Variants in FAM13A observed in about 807,000 individuals in gnomAD.
FAM13A encodes the protein family with sequence similarity 13 member A.
FAM13A carries 76 observed loss-of-function variants against 129.6 expected under a neutral mutation model. The ratio of observed to expected loss-of-function variants is 0.59; its 90% CI spans 0.49 to 0.71. FAM13A has a LOEUF of 0.71. Ranked by LOEUF, FAM13A falls within the 30% of genes least tolerant of loss-of-function variation. The pLI is 0.00. For missense variants in FAM13A, 1,108 were observed against 1,249.3 expected, an observed-to-expected ratio of 0.89 and a Z score of 1.70; for synonymous variants, 443 against 449.9, an observed-to-expected ratio of 0.98 and a Z score of 0.20.
At chr4:89,042,892 T>C (rs1485030260) in intron 1 of FAM13A, among the ~76,000 whole-genome samples, 3 of 152,238 alleles carry the variant, frequency 2.0e-5, no homozygotes, top group Admixed American at 6.5e-5. Flanking sequence ...AAAGACTCTA[T>C]GTACTTAGTA....
chr4:88,751,654 T>C (rs7662156), intron 14 of FAM13A, among the ~76,000 whole-genome samples: 110,608 of 151,682 alleles, frequency 0.73, 41,463 homozygotes, highest in Non-Finnish European at 0.83. Context: ...CTTGATCTGT[T>C]ATTTAGGGAG....
At chr4:88,893,629 T>TGAAC (rs1345842328) in intron 6 of FAM13A, among the ~76,000 whole-genome samples, 2 of 107,568 alleles carry the variant, frequency 1.9e-5, no homozygotes, top group South Asian at 2.9e-4. Context: ...TCTCAATGAA[T>TGAAC]GAATGAATGA....
At chr4:88,812,429 T>TA (rs1043220720) in intron 7 of FAM13A, among the ~76,000 whole-genome samples, 1 of 152,166 alleles carries the variant, frequency 6.6e-6, no homozygotes, top group Admixed American at 6.5e-5. Context: ...TCCAAATGCC[T>TA]AAATCTGGCA....
chr4:88,851,270 T>C, intron 6 of FAM13A, 87 bp from the exon 7 acceptor site: 1 of 1,267,050 alleles, frequency 7.9e-7, no homozygotes. Flanking sequence ...GACAATTTAT[T>C]CCAATTTTGC....
chr4:88,982,330 A>G (rs1292145869), intron 4 of FAM13A, among the ~76,000 whole-genome samples: 2 of 152,250 alleles, frequency 1.3e-5, no homozygotes, highest in Non-Finnish European at 2.9e-5. Context: ...TTCATTAACT[A>G]GTACGATGGG....
At chr4:88,767,512 C>A in intron 13 of FAM13A, 41 bp downstream of exon 13, 2 of 1,496,670 alleles carry the variant, frequency 1.3e-6, no homozygotes, top group South Asian at 1.3e-5. Context: ...AGTGTATGAA[C>A]AGCCCCGTCA....
intron 1 of FAM13A, among the ~76,000 whole-genome samples, chr4:89,052,200 C>T (rs1771678359): frequency 6.6e-6 from 1 of 151,756 alleles, no homozygotes. Flanking sequence ...TAAAGTGTGG[C>T]ACTAGAGTGT....
intron 4 of FAM13A, among the ~76,000 whole-genome samples, chr4:88,984,644 AC>A (rs746364173): frequency 1.1e-4 from 17 of 152,156 alleles, no homozygotes; most frequent in Non-Finnish European, 1.0e-4. Context: ...ATGTAGAGAA[AC>A]TGGTTCGCCC....
intron 1 of FAM13A, among the ~76,000 whole-genome samples, chr4:89,047,381 AG>A (rs910132608): frequency 1.3e-5 from 2 of 152,182 alleles, no homozygotes; most frequent in Non-Finnish European, 2.9e-5. Flanking sequence ...AGAAAATTAA[AG>A]GTTATTATAA....
intron 7 of FAM13A, among the ~76,000 whole-genome samples, chr4:88,825,113 G>A (rs1344922034): frequency 3.9e-5 from 6 of 152,158 alleles, no homozygotes; most frequent in African/African-American, 1.4e-4. Context: ...TGGAAAGGTA[G>A]TGGCAGAACA....
intron 7 of FAM13A, among the ~76,000 whole-genome samples, chr4:88,824,532 T>C (rs535746479): frequency 1.3e-5 from 2 of 152,330 alleles, no homozygotes; most frequent in South Asian, 2.1e-4. Flanking sequence ...ATCAGCCTTT[T>C]AAAACAAAAG....
At chr4:88,961,057 A>G (rs543469810) in intron 4 of FAM13A, among the ~76,000 whole-genome samples, 2 of 152,332 alleles carry the variant, frequency 1.3e-5, no homozygotes, top group East Asian at 3.9e-4. Flanking sequence ...GCCACGATTT[A>G]GAATTCAGAA....
At position 88,888,595 on chromosome 4, in the gene FAM13A, T is replaced by TC. The variant is rs1166406885; in HGVS notation, c.843+17783dup. Reference sequence around the variant, plus strand: ...TAAAAGTAAATAAATAAATAAATCATCCCAGACTAAACAAGCCTTTGTCGT... The same window carrying TC: ...TAAAAGTAAATAAATAAATAAATCATCCCCAGACTAAACAAGCCTTTGTCGT... On this transcript the variant is annotated intron_variant, in intron 6 of 23. Coordinates refer to ENST00000264344, the MANE Select transcript of FAM13A (RefSeq NM_014883.4). 2.0e-5 allele frequency among the ~76,000 whole-genome samples: 3 copies of TC among 151,944 alleles called. No homozygotes were observed. The East Asian group carries it at 5.8e-4, about 29-fold the overall frequency.
At chr4:88,782,888 C>G (rs886561452) in intron 10 of FAM13A, among the ~76,000 whole-genome samples, 1 of 152,120 alleles carries the variant, frequency 6.6e-6, no homozygotes, top group Non-Finnish European at 1.5e-5. Flanking sequence ...TGGTGTAATT[C>G]TAAAACTCAA....
chr4:89,015,702 A>G (rs1033297942), intron 3 of FAM13A, among the ~76,000 whole-genome samples: 1 of 152,142 alleles, frequency 6.6e-6, no homozygotes, highest in Non-Finnish European at 1.5e-5. Flanking sequence ...TACCCATTCT[A>G]TTTATACATA....
chr4:88,895,663 GA>G (rs1746171641), intron 6 of FAM13A, among the ~76,000 whole-genome samples: 1 of 135,808 alleles, frequency 7.4e-6, no homozygotes, highest in East Asian at 2.1e-4. Context: ...AAAAACACAT[GA>G]AAAAATGCTC....
chr4:88,844,764 C>G lies in FAM13A; in HGVS notation c.1007+6256G>C, dbSNP rs148520873. On this transcript the variant is annotated intron_variant, in intron 7 of 23. Coordinates refer to ENST00000264344, the MANE Select transcript of FAM13A (RefSeq NM_014883.4). ...TGAGCAGGAGTGGAGTCTGTTTAAA[C>G]TCCGTGTCTACAGAGATGGTAAGCG... Among the ~76,000 whole-genome samples, 135 of 152,298 alleles carry G rather than the reference C, an allele frequency of 8.9e-4. 1 individual carries two copies. The highest frequency in any genetic ancestry group is 3.2e-3 in the African/African-American group (131 of 41,548).
intron 6 of FAM13A, among the ~76,000 whole-genome samples, chr4:88,900,533 T>C (rs1395782224): frequency 6.6e-6 from 1 of 152,108 alleles, no homozygotes; most frequent in Non-Finnish European, 1.5e-5. Flanking sequence ...CAGAATTTCA[T>C]ATCTGACCAA....
chr4:88,885,295 T>C (rs1393469727), intron 6 of FAM13A, among the ~76,000 whole-genome samples: 4 of 152,106 alleles, frequency 2.6e-5, no homozygotes, highest in Non-Finnish European at 5.9e-5. Flanking sequence ...AACAGCATAG[T>C]AGTGGTATAA....
Sources: gnomAD v4.1 joint callset for allele counts (sites outside exome capture counted in the v4.1 genomes callset) on GRCh38, gnomAD v4.1.1 for gene constraint, MANE v1.5 for transcripts, NCBI Gene and HGNC (gene_info 2026-07-23, HGNC 2026-07-21) for gene names.